The following SLC44A1 variants were observed in gnomAD, a reference collection of about 807,000 sequenced individuals.
The protein encoded by SLC44A1 is solute carrier family 44 member 1.
SLC44A1 carries 26 observed loss-of-function variants against 79.3 expected under a neutral mutation model. That is an observed-to-expected ratio of 0.33 (90% CI 0.24 to 0.46). SLC44A1 has a LOEUF of 0.46. Ranked by LOEUF, SLC44A1 falls within the 20% of genes least tolerant of loss-of-function variation. The pLI, the probability that SLC44A1 is intolerant of heterozygous loss-of-function variation, is 1.00. For missense variants in SLC44A1, 688 were observed against 798.1 expected, an observed-to-expected ratio of 0.86 and a Z score of 1.66; for synonymous variants, 263 against 286.2, an observed-to-expected ratio of 0.92 and a Z score of 0.82.
chr9:105,306,175 TA>T (rs1434407496), intron 2 of SLC44A1, among the ~76,000 whole-genome samples: 1 of 152,234 alleles, frequency 6.6e-6, no homozygotes, highest in African/African-American at 2.4e-5. Flanking sequence ...TCCTTGCTAA[TA>T]GTCTTACTTT....
chr9:105,390,840 T>C lies in SLC44A1; in HGVS notation c.*1784T>C, dbSNP rs1828747679. ...CTTAGCAAGATCTGGGAAACCAACA[T>C]TGCGAGAGTAGCTATTTTGAAAGAA... On this transcript the variant is annotated 3_prime_UTR_variant, in exon 16 of 16. Transcript: ENST00000374720. The C allele has an allele frequency of 1.0e-6, 1 of 985,614 alleles. No individual in the cohort carries two copies. The highest frequency in any genetic ancestry group is 1.1e-4 in the East Asian group (1 of 8,826). 61.1% of individuals were successfully genotyped at this position (985,614 alleles called of 1,614,324 possible).
intron 15 of SLC44A1, among the ~76,000 whole-genome samples, chr9:105,432,827 A>C (rs901449018): frequency 1.3e-5 from 2 of 152,266 alleles, no homozygotes; most frequent in Middle Eastern, 3.4e-3. Context: ...AAGTTGCTAA[A>C]ATTGAGGCTG....
chr9:105,426,760 A>AC (rs34114085), intron 15 of SLC44A1, among the ~76,000 whole-genome samples: 5,012 of 152,314 alleles, frequency 0.033, 105 homozygotes, highest in African/African-American at 0.065. Context: ...GTAAGTAAAC[A>AC]GGATGATTAT....
intron 15 of SLC44A1, among the ~76,000 whole-genome samples, chr9:105,429,695 A>T (rs1249944818): frequency 6.6e-6 from 1 of 152,208 alleles, no homozygotes; most frequent in Non-Finnish European, 1.5e-5. Context: ...ACCTCAATGA[A>T]GTTACAGATT....
At chr9:105,402,287 G>A (rs371994019), downstream of SLC44A1, among the ~76,000 whole-genome samples, 6 of 152,122 alleles carry the variant, frequency 3.9e-5, no homozygotes, top group East Asian at 3.9e-4. Context: ...CCTGAGCCGG[G>A]GCCTAAGAGG....
intron 1 of SLC44A1, among the ~76,000 whole-genome samples, chr9:105,295,587 T>C (rs572268199): frequency 9.5e-4 from 145 of 152,358 alleles, no homozygotes; most frequent in African/African-American, 3.2e-3. Flanking sequence ...TCATGGCTCA[T>C]AACACATCTC....
At chr9:105,302,950 A>C (rs1431417730) in intron 2 of SLC44A1, among the ~76,000 whole-genome samples, 1 of 152,220 alleles carries the variant, frequency 6.6e-6, no homozygotes, top group Non-Finnish European at 1.5e-5. Flanking sequence ...GAAATAAAGT[A>C]GTGCTAAAGG....
At chr9:105,384,958 A>G (rs1015469545) in intron 14 of SLC44A1, among the ~76,000 whole-genome samples, 3 of 152,190 alleles carry the variant, frequency 2.0e-5, no homozygotes, top group African/African-American at 7.2e-5. Flanking sequence ...TTTGGTTAAG[A>G]AAAAAAGCAT....
chr9:105,329,090 C>T (rs184216473), intron 3 of SLC44A1, among the ~76,000 whole-genome samples: 8 of 152,274 alleles, frequency 5.3e-5, no homozygotes, highest in Admixed American at 3.3e-4. Flanking sequence ...TACAGATCTG[C>T]GGGGCTCTCT....
At chr9:105,309,677 G>C (rs1333705801) in intron 2 of SLC44A1, 47 bp from the exon 3 acceptor site, 2 of 1,572,102 alleles carry the variant, frequency 1.3e-6, no homozygotes, top group Admixed American at 1.7e-5. Context: ...GTGACTGTTG[G>C]CTATTGAAAT....
chr9:105,318,649 G>C (rs897942715), intron 3 of SLC44A1, among the ~76,000 whole-genome samples: 1 of 152,094 alleles, frequency 6.6e-6, no homozygotes, highest in Non-Finnish European at 1.5e-5. Flanking sequence ...GGTAACATCT[G>C]TATTGCTAGT....
At chr9:105,255,810 G>A (rs1490700234) in intron 1 of SLC44A1, among the ~76,000 whole-genome samples, 1 of 152,080 alleles carries the variant, frequency 6.6e-6, no homozygotes, top group Non-Finnish European at 1.5e-5. Flanking sequence ...TTAACCTTTG[G>A]TGCCTGAGTT....
chr9:105,341,589 C>T (rs1311056130), intron 4 of SLC44A1, among the ~76,000 whole-genome samples: 1 of 152,114 alleles, frequency 6.6e-6, no homozygotes, highest in African/African-American at 2.4e-5. Flanking sequence ...TTCCTAGGGG[C>T]AAGCTCATGC....
At chr9:105,431,137 C>T (rs1443704351) in intron 15 of SLC44A1, among the ~76,000 whole-genome samples, 4 of 152,184 alleles carry the variant, frequency 2.6e-5, no homozygotes, top group African/African-American at 7.2e-5. Context: ...CAAGGTCATA[C>T]ATATTTAGCC....
chr9:105,369,590 A>T (rs1828039813), intron 12 of SLC44A1, among the ~76,000 whole-genome samples: 1 of 152,228 alleles, frequency 6.6e-6, no homozygotes, highest in African/African-American at 2.4e-5. Flanking sequence ...GCCTCAAATA[A>T]GAAAGGAATA....
In SLC44A1 at chr9:105,395,941, A is replaced by G. The variant is rs1372938884; in HGVS notation, c.*6885A>G. 4 of 984,600 alleles carry G rather than the reference A, an allele frequency of 4.1e-6. No homozygotes were observed. Among genetic ancestry groups the G allele is most frequent in the South Asian group, 4.7e-5 (1 of 21,250 alleles). The allele number at this position is 984,600 out of a possible 1,614,324, so 61.0% of individuals were successfully genotyped here. A position where few individuals can be genotyped will look rare whatever the true frequency, so the allele number is the denominator to read the frequency against. ...AAATTGTATTAGATACCCCACAGGA[A>G]TGTGACAATAATAGGATAGCTTTGG... On this transcript the variant is annotated 3_prime_UTR_variant, in exon 16 of 16. Coordinates refer to ENST00000374720, the MANE Select transcript of SLC44A1 (RefSeq NM_080546.5).
intron 1 of SLC44A1, among the ~76,000 whole-genome samples, chr9:105,271,166 G>C (rs1830067657): frequency 6.6e-6 from 1 of 152,174 alleles, no homozygotes; most frequent in African/African-American, 2.4e-5. Context: ...TTCTGCTGCA[G>C]GTTTTCTTGT....
rs1305288370 is a variant in SLC44A1 at position 105,244,727 on chromosome 9, A to AGCCGCCGCTGCAGCC, written c.-133_-119dup. 1 of 356,292 alleles carries AGCCGCCGCTGCAGCC rather than the reference A, an allele frequency of 2.8e-6. No homozygotes were observed. Among genetic ancestry groups the AGCCGCCGCTGCAGCC allele is most frequent in the Admixed American group, 5.2e-5 (1 of 19,110 alleles). The allele number at this position is 356,292 out of a possible 1,614,324, so 22.1% of individuals were successfully genotyped here. A position where few individuals can be genotyped will look rare whatever the true frequency, so the allele number is the denominator to read the frequency against. On this transcript the variant is annotated 5_prime_UTR_variant, in exon 1 of 16. Transcript: ENST00000374720. ...CTAGCCGCGCCGCCTCTTGAGTACC[A>AGCCGCCGCTGCAGCC]GCCGCCGCTGCAGCCGCCGCCGCCG...
Position 105,389,650 on chromosome 9 carries a change from A to G in SLC44A1, c.*594A>G. Reference sequence around the variant, plus strand: ...TATGGGAATTTTCATAATAGTTCATACATTTGTCAGCCAACATTAAAAGGT... The same window carrying G: ...TATGGGAATTTTCATAATAGTTCATGCATTTGTCAGCCAACATTAAAAGGT... On this transcript the variant is annotated 3_prime_UTR_variant, in exon 16 of 16. Coordinates refer to ENST00000374720, the MANE Select transcript of SLC44A1 (RefSeq NM_080546.5). The G allele has an allele frequency of 8.1e-7, 1 of 1,229,862 alleles. No homozygotes were observed. The highest frequency in any genetic ancestry group is 1.0e-6 in the Non-Finnish European group (1 of 985,312). 76.2% of individuals were successfully genotyped at this position (1,229,862 alleles called of 1,614,324 possible). A position where few individuals can be genotyped will look rare whatever the true frequency, so the allele number is the denominator to read the frequency against.
Sources: allele counts gnomAD v4.1 joint callset (sites outside exome capture counted in the v4.1 genomes callset), GRCh38; gene constraint gnomAD v4.1.1; transcripts MANE v1.5; gene names NCBI Gene and HGNC (gene_info 2026-07-23, HGNC 2026-07-21).